Variants in FOXA3 observed in about 807,000 individuals in gnomAD.
The protein encoded by FOXA3 is forkhead box A3, also known as hepatocyte nuclear factor 3-gamma.
In FOXA3, 11 loss-of-function variants were observed where a neutral mutation model predicts 16.9. The observed-to-expected ratio is 0.65, with a 90% CI of 0.41 to 1.08. The LOEUF is 1.08. FOXA3 is among the 50% of genes least tolerant of loss of function. FOXA3 has a pLI of 0.00. For synonymous variants in FOXA3, 217 were observed against 203.3 expected, an observed-to-expected ratio of 1.07 and a Z score of -0.57; for missense variants, 423 against 470.1, an observed-to-expected ratio of 0.90 and a Z score of 0.93.
intron 1 of FOXA3, among the ~76,000 whole-genome samples, chr19:45,866,614 G>T (rs984814497): frequency 1.3e-5 from 2 of 152,140 alleles, no homozygotes; most frequent in African/African-American, 4.8e-5. Flanking sequence ...GCAACTGAGA[G>T]CTGAGAGGGT....
chr19:45,871,281 A>G (rs2146362374), intron 1 of FOXA3, among the ~76,000 whole-genome samples: 1 of 152,258 alleles, frequency 6.6e-6, no homozygotes, highest in African/African-American at 2.4e-5. Context: ...AAAGAGCGAC[A>G]CTGTTTTTTT....
At chr19:45,865,565 G>T (rs1473386464) in intron 1 of FOXA3, among the ~76,000 whole-genome samples, 2 of 152,156 alleles carry the variant, frequency 1.3e-5, no homozygotes, top group East Asian at 3.9e-4. Context: ...TTCTAACCTG[G>T]AAGGGGACTG....
At chr19:45,871,248 C>A (rs768755669) in intron 1 of FOXA3, among the ~76,000 whole-genome samples, 7 of 152,086 alleles carry the variant, frequency 4.6e-5, no homozygotes, top group Admixed American at 1.3e-4. Flanking sequence ...ATTAAAAAAA[C>A]CAAATTTCAA....
At chr19:45,867,873 T>TGA (rs1972098964) in intron 1 of FOXA3, among the ~76,000 whole-genome samples, 1 of 129,684 alleles carries the variant, frequency 7.7e-6, no homozygotes, top group Non-Finnish European at 1.6e-5. Flanking sequence ...AGTCGGATAG[T>TGA]GAGAGAGAGT....
chr19:45,864,613 A>G (rs1311370845), intron 1 of FOXA3, 88 bp downstream of exon 1: 4 of 1,128,692 alleles, frequency 3.5e-6, no homozygotes, highest in Admixed American at 3.4e-5. Flanking sequence ...TGTGGGTTCA[A>G]ATGGAGGCAA....
chr19:45,872,315 G>T lies in FOXA3; in HGVS notation c.310G>T (p.Glu104Ter). Residue 104 changes from glutamate to a stop codon, truncating the protein, a stop_gained, in exon 2 of 2, where the codon GAG becomes TAG. Coordinates refer to ENST00000302177, the MANE Select transcript of FOXA3 (RefSeq NM_004497.3). LOFTEE classifies it high-confidence loss of function. This position sits in a 1 kb window ranked among gnomAD's most constrained non-coding sequence, Gnocchi z 4.5. Reference protein sequence around the residue: ...APGPGLVHGKEMPKGYRRPLA... With the variant: ...APGPGLVHGK ...GGGTCCTGGGCTGGTGCACGGGAAG[G>T]AGATGCCGAAGGGGTATCGGCGGCC... The T allele has an allele frequency of 6.2e-7, 1 of 1,614,156 alleles. No individual in the cohort carries two copies. Among genetic ancestry groups the T allele is most frequent in the Non-Finnish European group, 8.5e-7 (1 of 1,179,986 alleles).
chr19:45,872,359 A>G lies in FOXA3; in HGVS notation c.354A>G (p.Pro118=). 6.2e-7 allele frequency: 1 copy of G among 1,614,190 alleles called. No individual in the cohort carries two copies. Among genetic ancestry groups the G allele is most frequent in the Non-Finnish European group, 8.5e-7 (1 of 1,180,018 alleles). Residue 118 remains proline, a synonymous_variant, in exon 2 of 2, where the codon CCA becomes CCG. Transcript: ENST00000302177. This position sits in a 1 kb window ranked among gnomAD's most constrained non-coding sequence, Gnocchi z 4.5. ...GYRRPLAHAK[P]PYSYISLITM... ...GGCGGCCCCTGGCACACGCCAAGCCACCGTATTCCTATATCTCACTCATCA... is the reference window on the plus strand; with the variant it reads ...GGCGGCCCCTGGCACACGCCAAGCCGCCGTATTCCTATATCTCACTCATCA...
chr19:45,868,478 G>C (rs1972106195), intron 1 of FOXA3, among the ~76,000 whole-genome samples: 1 of 151,886 alleles, frequency 6.6e-6, no homozygotes, highest in Admixed American at 6.6e-5. Flanking sequence ...TGCTCGGGAG[G>C]CTGAGGCAGG....
chr19:45,867,791 A>AAAAAAAAAAAAAG (rs1972097865), intron 1 of FOXA3, among the ~76,000 whole-genome samples: 1 of 149,536 alleles, frequency 6.7e-6, no homozygotes, highest in Non-Finnish European at 1.5e-5. Flanking sequence ...AAAAAAAAAA[A>AAAAAAAAAAAAAG]AAAAAAAGAC....
At chr19:45,867,414 G>GAGGT (rs373004327) in intron 1 of FOXA3, among the ~76,000 whole-genome samples, 1 of 143,506 alleles carries the variant, frequency 7.0e-6, no homozygotes, top group Admixed American at 7.0e-5. Context: ...TGAAGGGAGG[G>GAGGT]AGATAGATAG....
intron 1 of FOXA3, among the ~76,000 whole-genome samples, chr19:45,870,405 C>T (rs1966894444): frequency 6.7e-6 from 1 of 149,246 alleles, no homozygotes; most frequent in South Asian, 2.1e-4. Flanking sequence ...GATCTCCTGA[C>T]CTTGTGATCC....
intron 1 of FOXA3, among the ~76,000 whole-genome samples, chr19:45,864,727 G>C (rs1181271182): frequency 1.3e-5 from 2 of 152,162 alleles, no homozygotes; most frequent in Admixed American, 6.6e-5. Context: ...GGGCAGCCTC[G>C]CCGCGGCCAG....
chr19:45,873,073 A>G lies in FOXA3; in HGVS notation c.*15A>G, dbSNP rs992987446. On this transcript the variant is annotated 3_prime_UTR_variant, in exon 2 of 2. Coordinates refer to ENST00000302177, the MANE Select transcript of FOXA3 (RefSeq NM_004497.3). The stretch of plus-strand genomic sequence containing the variant: ...ATGCATCCTAGCAGGGGTTGGGAAC[A>G]TGGTGGTGGGTATGGCTGGAGCTCA... 3.8e-6 allele frequency: 6 copies of G among 1,574,494 alleles called. No individual in the cohort carries two copies. In the Admixed American group the frequency reaches 7.6e-5, roughly 20 times the overall value.
intron 1 of FOXA3, among the ~76,000 whole-genome samples, chr19:45,867,749 C>T (rs1972096851): frequency 8.0e-6 from 1 of 124,804 alleles, no homozygotes; most frequent in Non-Finnish European, 1.6e-5. Context: ...CACTGCACTC[C>T]AGCCTGGGTG....
chr19:45,873,198 C>A lies in FOXA3; in HGVS notation c.*140C>A. The A allele has an allele frequency of 7.5e-7, 1 of 1,341,156 alleles. No homozygotes were observed. The highest frequency in any genetic ancestry group is 1.0e-6 in the Non-Finnish European group (1 of 981,384). The allele number at this position is 1,341,156 out of a possible 1,614,324, so 83.1% of individuals were successfully genotyped here. On this transcript the variant is annotated 3_prime_UTR_variant, in exon 2 of 2. Coordinates refer to ENST00000302177, the MANE Select transcript of FOXA3 (RefSeq NM_004497.3). The stretch of plus-strand genomic sequence containing the variant: ...TATTACTTACTGTGATGACTGCTGT[C>A]TCAGTGGGCATGGTGTTGATCCACG...
chr19:45,867,929 G>T (rs557923652), intron 1 of FOXA3, among the ~76,000 whole-genome samples: 2 of 151,426 alleles, frequency 1.3e-5, no homozygotes, highest in African/African-American at 4.9e-5. Context: ...GAGAGACAGG[G>T]GCCGAGATGG....
chr19:45,865,855 T>C (rs1972079996), intron 1 of FOXA3, among the ~76,000 whole-genome samples: 2 of 151,622 alleles, frequency 1.3e-5, no homozygotes, highest in Non-Finnish European at 1.5e-5. Context: ...GAGGTATCAG[T>C]TGTGAGATGC....
In FOXA3 at chr19:45,872,522, G is replaced by A. The variant is rs1404548665; in HGVS notation, c.517G>A (p.Asp173Asn). The A allele has an allele frequency of 3.7e-6, 6 of 1,614,024 alleles. No individual in the cohort carries two copies. Among genetic ancestry groups the A allele is most frequent in the East Asian group, 2.2e-5 (1 of 44,890 alleles). The change falls in exon 2 of 2, where the codon GAC (aspartate) becomes AAC (asparagine). Residue 173 changes from aspartate (D) to asparagine (N), a missense_variant. By Grantham distance (23) the Asp-to-Asn change is conservative. Around this residue, in one of 3 missense-constraint regions of FOXA3, gnomAD observed 85 missense variants for 136.9 expected, o/e 0.62. Coordinates refer to ENST00000302177, the MANE Select transcript of FOXA3 (RefSeq NM_004497.3). The surrounding 1 kb of genome is among the most constrained non-coding windows in gnomAD (Gnocchi z 4.5). The part of the protein sequence containing the change: ...NSIRHSLSFN[D>N]CFVKVARSPD... Reference sequence around the variant, plus strand: ...CATTCGCCACTCGCTGTCTTTCAACGACTGCTTCGTCAAGGTGGCGCGTTC... The same window carrying A: ...CATTCGCCACTCGCTGTCTTTCAACAACTGCTTCGTCAAGGTGGCGCGTTC...
chr19:45,864,537 G>T lies in FOXA3; in HGVS notation c.69+12G>T, dbSNP rs1972059689. Reference sequence around the variant, plus strand: ...CGGAGGCGGGCGAGGTGTGTCCTCGGGGATGGCGGAGCGGGAAGTTGGGGG... The same window carrying T: ...CGGAGGCGGGCGAGGTGTGTCCTCGTGGATGGCGGAGCGGGAAGTTGGGGG... On this transcript the variant is annotated intron_variant, in intron 1 of 1. Transcript: ENST00000302177. 6.6e-7 allele frequency: 1 copy of T among 1,525,958 alleles called. No homozygotes were observed. Among genetic ancestry groups the T allele is most frequent in the Non-Finnish European group, 8.8e-7 (1 of 1,132,908 alleles). The allele number at this position is 1,525,958 out of a possible 1,614,324, so 94.5% of individuals were successfully genotyped here.
Sources: gnomAD v4.1 joint callset for allele counts (sites outside exome capture counted in the v4.1 genomes callset) on GRCh38, gnomAD v4.1.1 for gene constraint, gnomAD v4.1.1 regional missense constraint, Gnocchi (gnomAD v3.1) non-coding constraint, MANE v1.5 for transcripts, NCBI Gene and HGNC (gene_info 2026-07-23, HGNC 2026-07-21) for gene names.